The following ENPEP variants were observed in gnomAD, a reference collection of about 807,000 sequenced individuals.
The protein encoded by ENPEP is glutamyl aminopeptidase.
In ENPEP, 103 loss-of-function variants were observed where a neutral mutation model predicts 114.5. That is an observed-to-expected ratio of 0.90 (90% CI 0.77 to 1.06). The LOEUF is 1.06. ENPEP is among the 50% of genes least tolerant of loss of function. The pLI is 0.00. For missense variants in ENPEP, 1,196 were observed against 1,161.3 expected (o/e 1.03, Z -0.43); for synonymous variants, 420 against 422.0 (o/e 1.00, Z 0.06).
At chr4:110,543,940 AG>A (rs1263113717) in intron 13 of ENPEP, among the ~76,000 whole-genome samples, 1 of 152,036 alleles carries the variant, frequency 6.6e-6, no homozygotes, top group Non-Finnish European at 1.5e-5. Flanking sequence ...AAGGTTCATG[AG>A]GGTAGGCACC....
intron 1 of ENPEP, among the ~76,000 whole-genome samples, chr4:110,480,728 TGGG>T (rs991496170): frequency 6.6e-6 from 1 of 152,178 alleles, no homozygotes; most frequent in African/African-American, 2.4e-5. Flanking sequence ...GATTGAGACA[TGGG>T]GAAGAAAGGG....
chr4:110,513,392 T>C (rs1471787356), intron 6 of ENPEP, 23 bp from the exon 7 acceptor site: 2 of 1,608,602 alleles, frequency 1.2e-6, no homozygotes, highest in Non-Finnish European at 1.7e-6. Flanking sequence ...ACTATATTCC[T>C]TTGGCTCATT....
At chr4:110,561,028 T>G (rs1727658854) in intron 19 of ENPEP, among the ~76,000 whole-genome samples, 1 of 152,144 alleles carries the variant, frequency 6.6e-6, no homozygotes, top group South Asian at 2.1e-4. Flanking sequence ...TACTCCAGAC[T>G]CCTGGAGTGA....
At chr4:110,524,164 T>C (rs1159179742) in intron 10 of ENPEP, among the ~76,000 whole-genome samples, 1 of 152,156 alleles carries the variant, frequency 6.6e-6, no homozygotes, top group East Asian at 1.9e-4. Context: ...GGTAAGTTAA[T>C]AAATATTGTC....
chr4:110,505,380 G>A (rs897047361), intron 3 of ENPEP, among the ~76,000 whole-genome samples: 3 of 151,810 alleles, frequency 2.0e-5, no homozygotes, highest in Non-Finnish European at 4.4e-5. Context: ...AGGTGAAGAC[G>A]AACACATCTT....
At chr4:110,550,303 C>G (rs1467917704) in intron 17 of ENPEP, among the ~76,000 whole-genome samples, 1 of 152,090 alleles carries the variant, frequency 6.6e-6, no homozygotes, top group African/African-American at 2.4e-5. Flanking sequence ...GGACAATTGT[C>G]TCCAATTCTC....
At chr4:110,480,854 C>T (rs1199805643) in intron 1 of ENPEP, among the ~76,000 whole-genome samples, 3 of 152,148 alleles carry the variant, frequency 2.0e-5, no homozygotes, top group African/African-American at 4.8e-5. Context: ...CTACCTCTTC[C>T]TACTCGCTAG....
chr4:110,559,573 A>C, intron 18 of ENPEP, 74 bp from the exon 19 acceptor site: 3 of 1,052,810 alleles, frequency 2.8e-6, no homozygotes, highest in Non-Finnish European at 2.9e-6. Context: ...AATAAAAAGG[A>C]AACATCTGCA....
intron 6 of ENPEP, chr4:110,512,356 C>T (rs1457224301): frequency 6.6e-6 from 1 of 152,112 alleles, no homozygotes; most frequent in Admixed American, 6.5e-5. Flanking sequence ...AAATCACACA[C>T]ACAGCTGGTA....
At chr4:110,502,965 T>C (rs1725217097) in intron 3 of ENPEP, among the ~76,000 whole-genome samples, 1 of 152,112 alleles carries the variant, frequency 6.6e-6, no homozygotes, top group Non-Finnish European at 1.5e-5. Context: ...GCAGGTTTGT[T>C]ACATATGTAT....
At chr4:110,561,145 G>A (rs1226536054) in intron 19 of ENPEP, among the ~76,000 whole-genome samples, 2 of 152,130 alleles carry the variant, frequency 1.3e-5, no homozygotes, top group African/African-American at 2.4e-5. Flanking sequence ...GCATGCTAGC[G>A]ACTGACATGC....
chr4:110,549,766 CTGG>C lies in ENPEP; in HGVS notation c.2382_2384del (p.Gly795del). 6.2e-7 allele frequency: 1 copy of C among 1,613,382 alleles called. No individual in the cohort carries two copies. Among genetic ancestry groups the C allele is most frequent in the Non-Finnish European group, 8.5e-7 (1 of 1,179,588 alleles). ...GTGTATCGGTATGGGATGCAGAACT[CTGG>C]CAATGAGATTTCATGGAACTACACT... On this transcript the variant is annotated inframe_deletion, in exon 17 of 20. Coordinates refer to ENST00000265162, the MANE Select transcript of ENPEP (RefSeq NM_001977.4).
chr4:110,530,075 T>C (rs1726347518), intron 10 of ENPEP, among the ~76,000 whole-genome samples: 1 of 92,586 alleles, frequency 1.1e-5, no homozygotes, highest in African/African-American at 3.0e-5. Context: ...AAACTCCGTC[T>C]AAAAAGAAAA....
intron 12 of ENPEP, 53 bp from the exon 13 acceptor site, chr4:110,542,962 A>G (rs752374094): frequency 1.2e-6 from 2 of 1,609,490 alleles, no homozygotes; most frequent in South Asian, 1.1e-5. Flanking sequence ...ATTTTTTTCA[A>G]CATGCTTTGC....
In ENPEP at chr4:110,510,231, G is replaced by T; in HGVS notation, c.1195-14G>T. On this transcript the variant is annotated splice_polypyrimidine_tract_variant and intron_variant, in intron 5 of 19. Coordinates refer to ENST00000265162, the MANE Select transcript of ENPEP (RefSeq NM_001977.4). ...ATAAGAATGTAATTATCTCTTTATT[G>T]CTTATAATTTCAGTGGTTTGGAAAT... 1 of 1,596,340 alleles carries T rather than the reference G, an allele frequency of 6.3e-7. No individual in the cohort carries two copies. Among genetic ancestry groups the T allele is most frequent in the East Asian group, 2.2e-5 (1 of 44,754 alleles).
At chr4:110,517,538 AG>A (rs1219424990) in intron 8 of ENPEP, among the ~76,000 whole-genome samples, 1 of 152,242 alleles carries the variant, frequency 6.6e-6, no homozygotes, top group Non-Finnish European at 1.5e-5. Context: ...ACTTTGATAG[AG>A]AAGTACTAAG....
At chr4:110,524,801 T>C (rs1726134731) in intron 10 of ENPEP, among the ~76,000 whole-genome samples, 1 of 152,214 alleles carries the variant, frequency 6.6e-6, no homozygotes, top group South Asian at 2.1e-4. Context: ...CTGTATCACA[T>C]AGGCTGGAGT....
rs534441520 is a variant in ENPEP at position 110,543,560 on chromosome 4, T to A, written c.2000+490T>A. On this transcript the variant is annotated intron_variant, in intron 13 of 19. Transcript: ENST00000265162. ...AGAATTAGGGGACCATTTGGAAAATTTGACTCTTTTTCTCATAGTCTGAAG... is the reference window on the plus strand; with the variant it reads ...AGAATTAGGGGACCATTTGGAAAATATGACTCTTTTTCTCATAGTCTGAAG... 2.0e-5 allele frequency among the ~76,000 whole-genome samples: 3 copies of A among 152,198 alleles called. No individual in the cohort carries two copies. In the East Asian group the frequency reaches 5.8e-4, roughly 29 times the overall value.
rs1033358203 is a variant in ENPEP at position 110,553,398 on chromosome 4, A to G, written c.2585A>G (p.Tyr862Cys). Residue 862 changes from tyrosine (Y) to cysteine (C), a missense_variant, in exon 18 of 20, where the codon TAT (tyrosine) becomes TGT (cysteine). Physicochemically the swap from Tyr to Cys is radical, Grantham distance 194. Transcript: ENST00000265162. ...TVIRYISYNS[Y>C]GKNMAWNWIQ... Reference sequence around the variant, plus strand: ...ATTCGATATATCTCATATAACAGCTATGGGAAGAACATGGCCTGGAATTGG... The same window carrying G: ...ATTCGATATATCTCATATAACAGCTGTGGGAAGAACATGGCCTGGAATTGG... 1.2e-6 allele frequency: 2 copies of G among 1,611,514 alleles called. No homozygotes were observed. The highest frequency in any genetic ancestry group is 1.3e-5 in the African/African-American group (1 of 74,960).
Sources: gnomAD v4.1 joint callset for allele counts (sites outside exome capture counted in the v4.1 genomes callset) on GRCh38, gnomAD v4.1.1 for gene constraint, MANE v1.5 for transcripts, NCBI Gene and HGNC (gene_info 2026-07-23, HGNC 2026-07-21) for gene names.